ZSWIM4: variants seen among roughly 807,000 people sequenced by gnomAD.
The protein encoded by ZSWIM4 is zinc finger SWIM domain-containing protein 4.
Under a neutral mutation model 102.5 loss-of-function variants are expected in ZSWIM4, and 62 were observed. The ratio of observed to expected loss-of-function variants is 0.60; its 90% CI spans 0.49 to 0.75. The LOEUF is 0.75. Ranked by LOEUF, ZSWIM4 falls within the 30% of genes least tolerant of loss-of-function variation. The pLI, the probability that ZSWIM4 is intolerant of heterozygous loss-of-function variation, is 0.00. For missense variants in ZSWIM4, 1,280 were observed against 1,529.6 expected, an observed-to-expected ratio of 0.84 and a Z score of 2.72; for synonymous variants, 652 against 674.5, an observed-to-expected ratio of 0.97 and a Z score of 0.52.
intron 2 of ZSWIM4, 86 bp from the exon 3 acceptor site, chr19:13,804,706 G>A: frequency 8.9e-7 from 1 of 1,129,240 alleles, no homozygotes; most frequent in Non-Finnish European, 1.3e-6. Flanking sequence ...GACTCGGCTG[G>A]GCTTTGCAAC....
Position 13,831,961 on chromosome 19 carries a change from G to A in ZSWIM4, c.*911G>A, listed in dbSNP as rs1975779587. ...TAAGTCCCTGCCGCCCTCTCTCTTT[G>A]GCCATCCTTCCTTTCCCCCACCTTG... On this transcript the variant is annotated 3_prime_UTR_variant, in exon 14 of 14. Transcript: ENST00000590508. 6.6e-6 allele frequency: 1 copy of A among 151,238 alleles called. No homozygotes were observed. Among genetic ancestry groups the A allele is most frequent in the Non-Finnish European group, 1.5e-5 (1 of 67,872 alleles). 9.4% of individuals were successfully genotyped at this position (151,238 alleles called of 1,614,324 possible).
chr19:13,800,777 T>C (rs1235334455), intron 2 of ZSWIM4, among the ~76,000 whole-genome samples: 4 of 151,314 alleles, frequency 2.6e-5, no homozygotes, highest in African/African-American at 7.3e-5. Flanking sequence ...AGACAAGGGG[T>C]TGGGGGAGAG....
rs200606670 is a variant in ZSWIM4 at position 13,828,747 on chromosome 19, C to G, written c.2461+21C>G. On this transcript the variant is annotated intron_variant, in intron 13 of 13. Transcript: ENST00000590508. Reference sequence around the variant, plus strand: ...GATTGGTGAGAGCCCCTAAGGGGACCTGCCACCCACTTCGCTGTTCTGGTT... The same window carrying G: ...GATTGGTGAGAGCCCCTAAGGGGACGTGCCACCCACTTCGCTGTTCTGGTT... The G allele has an allele frequency of 1.4e-4, 232 of 1,609,624 alleles. 1 individual carries two copies. The East Asian group carries it at 4.8e-3, about 33-fold the overall frequency.
intron 9 of ZSWIM4, among the ~76,000 whole-genome samples, chr19:13,819,104 T>A (rs542626316): frequency 2.2e-4 from 33 of 152,076 alleles, no homozygotes; most frequent in Non-Finnish European, 4.1e-4. Flanking sequence ...AACCTCGTGA[T>A]CCGCCAGCCT....
rs114892235 is a variant in ZSWIM4, at chr19:13,812,984, C to T, written c.1013-13C>T. 4,265 of 1,593,290 alleles carry T rather than the reference C, an allele frequency of 2.7e-3. 98 individuals are homozygous for T. The African/African-American group carries it at 0.047, about 18-fold the overall frequency. ...GTTGGCAGGAATATTGAGCCTGCCCCGTGCCTCCTCAGGGGCCCTGTGGGT... is the reference window on the plus strand; with the variant it reads ...GTTGGCAGGAATATTGAGCCTGCCCTGTGCCTCCTCAGGGGCCCTGTGGGT... On this transcript the variant is annotated splice_polypyrimidine_tract_variant and intron_variant, in intron 5 of 13. Transcript: ENST00000590508.
At chr19:13,810,411 G>T (rs992380809) in intron 5 of ZSWIM4, among the ~76,000 whole-genome samples, 1 of 151,784 alleles carries the variant, frequency 6.6e-6, no homozygotes, top group Non-Finnish European at 1.5e-5. Flanking sequence ...TCCTGCCTTA[G>T]CCTTCTCAGT....
chr19:13,826,784 C>A (rs1466365472), intron 12 of ZSWIM4, among the ~76,000 whole-genome samples: 1 of 151,880 alleles, frequency 6.6e-6, no homozygotes, highest in African/African-American at 2.4e-5. Flanking sequence ...AAAAAAAAGT[C>A]CTGTATGCAG....
At chr19:13,829,573 A>AG (rs1599620487) in intron 13 of ZSWIM4, among the ~76,000 whole-genome samples, 2 of 152,296 alleles carry the variant, frequency 1.3e-5, no homozygotes, top group East Asian at 3.9e-4. Context: ...CCTGGGTGAC[A>AG]GAGCAAGACT....
At chr19:13,815,971 AGAGGAGAGC>A (rs1278972198) in intron 7 of ZSWIM4, among the ~76,000 whole-genome samples, 1 of 141,402 alleles carries the variant, frequency 7.1e-6, no homozygotes, top group African/African-American at 2.6e-5. Context: ...AAAGAGAGAG[AGAGGAGAGC>A]GAGGAGAGAG....
At position 13,805,226 on chromosome 19, in the gene ZSWIM4, G is replaced by A. The variant is rs533396592; in HGVS notation, c.712+78G>A. 2.5e-5 allele frequency: 33 copies of A among 1,316,468 alleles called. 1 individual carries two copies. The East Asian group carries it at 4.2e-4, about 17-fold the overall frequency. 81.5% of individuals were successfully genotyped at this position (1,316,468 alleles called of 1,614,324 possible). On this transcript the variant is annotated intron_variant, in intron 3 of 13. Coordinates refer to ENST00000590508, the MANE Select transcript of ZSWIM4 (RefSeq NM_001367834.3). ...CGCCACTTGCTGTGTGCCCAGTGCT[G>A]GTCACTTACTGACAGAAAGTTGTGG...
chr19:13,822,103 G>C (rs1270936169), intron 10 of ZSWIM4, among the ~76,000 whole-genome samples: 1 of 150,970 alleles, frequency 6.6e-6, no homozygotes. Context: ...CAAATTCCTG[G>C]CCTCAAGCGA....
At position 13,817,768 on chromosome 19, in the gene ZSWIM4, G is replaced by A; in HGVS notation, c.1716G>A (p.Val572=). 6.2e-7 allele frequency: 1 copy of A among 1,603,440 alleles called. No homozygotes were observed. The highest frequency in any genetic ancestry group is 8.5e-7 in the Non-Finnish European group (1 of 1,176,278). Residue 572 remains valine (V), a synonymous_variant, in exon 9 of 14, where the codon GTG becomes GTA. Coordinates refer to ENST00000590508, the MANE Select transcript of ZSWIM4 (RefSeq NM_001367834.3). ...AGGTGGCCTACCAGCACGTGCCTGT[G>A]CCCGGGAGCCCTGGGGAGTCCTACT... ...KRKVAYQHVP[V]PGSPGESYLV... is the part of the protein sequence containing the mutation.
intron 2 of ZSWIM4, among the ~76,000 whole-genome samples, chr19:13,804,265 G>C (rs1236628114): frequency 6.6e-6 from 1 of 151,944 alleles, no homozygotes; most frequent in Non-Finnish European, 1.5e-5. Context: ...GAGGCCAGGA[G>C]TTCAAAATCA....
At chr19:13,822,618 G>A (rs897599375) in intron 10 of ZSWIM4, among the ~76,000 whole-genome samples, 23 of 152,082 alleles carry the variant, frequency 1.5e-4, no homozygotes, top group Admixed American at 4.6e-4. Context: ...CAAGACGGGC[G>A]GATCACTTGA....
intron 12 of ZSWIM4, 36 bp from the exon 13 acceptor site, chr19:13,828,609 C>G: frequency 3.1e-6 from 5 of 1,603,176 alleles, no homozygotes; most frequent in Non-Finnish European, 4.3e-6. Context: ...GCCCAAGACT[C>G]AGGCTAACCC....
At chr19:13,826,243 G>A (rs1282531843) in intron 12 of ZSWIM4, among the ~76,000 whole-genome samples, 2 of 152,044 alleles carry the variant, frequency 1.3e-5, no homozygotes, top group Non-Finnish European at 2.9e-5. Flanking sequence ...CAGATGGATC[G>A]CAAGCGGAGC....
intron 5 of ZSWIM4, among the ~76,000 whole-genome samples, chr19:13,811,521 C>T (rs1000577957): frequency 2.6e-5 from 4 of 151,840 alleles, no homozygotes; most frequent in African/African-American, 7.3e-5. Flanking sequence ...CAGAGCAAGA[C>T]CCTGTCTCAA....
chr19:13,820,708 A>G (rs920335209), intron 10 of ZSWIM4, among the ~76,000 whole-genome samples: 2 of 152,232 alleles, frequency 1.3e-5, no homozygotes, highest in Non-Finnish European at 2.9e-5. Context: ...CTGCAAACCC[A>G]TAATCTGGAA....
In ZSWIM4 at chr19:13,812,985, G is replaced by A. The variant is rs200201874; in HGVS notation, c.1013-12G>A. 334 of 1,594,150 alleles carry A rather than the reference G, an allele frequency of 2.1e-4. No homozygotes were observed. The Middle Eastern group carries it at 5.2e-3, about 25-fold the overall frequency. On this transcript the variant is annotated splice_polypyrimidine_tract_variant and intron_variant, in intron 5 of 13. Coordinates refer to ENST00000590508, the MANE Select transcript of ZSWIM4 (RefSeq NM_001367834.3). ...TTGGCAGGAATATTGAGCCTGCCCC[G>A]TGCCTCCTCAGGGGCCCTGTGGGTT...
Sources: gnomAD v4.1 joint callset for allele counts (sites outside exome capture counted in the v4.1 genomes callset) on GRCh38, gnomAD v4.1.1 for gene constraint, MANE v1.5 for transcripts, NCBI Gene and HGNC (gene_info 2026-07-23, HGNC 2026-07-21) for gene names.